SBF2: variants seen among roughly 807,000 people sequenced by gnomAD.
The protein encoded by SBF2 is myotubularin-related protein 13.
A neutral mutation model predicts 225.2 loss-of-function variants in SBF2; 112 were observed. The ratio of observed to expected loss-of-function variants is 0.50; its 90% CI spans 0.43 to 0.58. SBF2 has a LOEUF of 0.58. Ranked by LOEUF, SBF2 falls within the 20% of genes least tolerant of loss-of-function variation. The probability of loss-of-function intolerance (pLI) is 0.00; values close to 1 mark genes in which losing one functional copy is unlikely to be tolerated. For missense variants in SBF2, 1,996 were observed against 2,206.2 expected (o/e 0.90, Z 1.91); for synonymous variants, 763 against 773.3 (o/e 0.99, Z 0.22).
intron 2 of SBF2, among the ~76,000 whole-genome samples, chr11:10,139,607 T>C (rs1954548225): frequency 6.6e-6 from 1 of 152,232 alleles, no homozygotes; most frequent in Non-Finnish European, 1.5e-5. Context: ...ATTTTACTTT[T>C]ACATTTTCTA....
At chr11:9,923,728 T>C (rs972594481) in intron 16 of SBF2, among the ~76,000 whole-genome samples, 3 of 152,178 alleles carry the variant, frequency 2.0e-5, no homozygotes, top group African/African-American at 7.2e-5. Flanking sequence ...TAACCCCTTA[T>C]TGGCAAAGTA....
intron 2 of SBF2, among the ~76,000 whole-genome samples, chr11:10,143,631 G>A (rs1372594666): frequency 1.3e-5 from 2 of 152,088 alleles, no homozygotes; most frequent in African/African-American, 4.8e-5. Flanking sequence ...AAGATGTCAT[G>A]TCTCCCTAAA....
intron 2 of SBF2, among the ~76,000 whole-genome samples, chr11:10,139,746 G>T (rs1954555613): frequency 6.6e-6 from 1 of 152,188 alleles, no homozygotes; most frequent in Admixed American, 6.5e-5. Context: ...CCAAAAATAT[G>T]ACTAATCTTG....
chr11:10,056,514 G>A (rs1950260908), intron 2 of SBF2, among the ~76,000 whole-genome samples: 1 of 152,164 alleles, frequency 6.6e-6, no homozygotes, highest in Non-Finnish European at 1.5e-5. Context: ...TTGTGAATGG[G>A]GTTGCCTTTC....
At chr11:9,981,654 T>G (rs1352566388) in intron 13 of SBF2, among the ~76,000 whole-genome samples, 2 of 152,218 alleles carry the variant, frequency 1.3e-5, no homozygotes, top group Non-Finnish European at 2.9e-5. Context: ...AATCTTTGGA[T>G]GCCAATATTA....
chr11:9,911,575 A>C (rs977512339), intron 16 of SBF2, among the ~76,000 whole-genome samples: 27 of 152,318 alleles, frequency 1.8e-4, no homozygotes, highest in Admixed American at 1.8e-3. Flanking sequence ...GAAATTAAAA[A>C]AATAAATTCA....
chr11:10,134,844 T>C (rs1437302327), intron 2 of SBF2, among the ~76,000 whole-genome samples: 1 of 152,166 alleles, frequency 6.6e-6, no homozygotes, highest in Non-Finnish European at 1.5e-5. Flanking sequence ...AGGCACACAG[T>C]GCAAGCTGTC....
At chr11:9,978,481 A>G (rs929981584) in intron 13 of SBF2, among the ~76,000 whole-genome samples, 1 of 152,184 alleles carries the variant, frequency 6.6e-6, no homozygotes, top group African/African-American at 2.4e-5. Context: ...TTAGATTGTG[A>G]AAAAAATTTC....
rs994693750 is a variant in SBF2 at position 9,779,493 on chromosome 11, C to A, written c.*925G>T. 4 of 152,576 alleles carry A rather than the reference C, an allele frequency of 2.6e-5. No individual in the cohort carries two copies. The highest frequency in any genetic ancestry group is 7.2e-5 in the African/African-American group (3 of 41,436). 9.5% of individuals were successfully genotyped at this position (152,576 alleles called of 1,614,324 possible). On this transcript the variant is annotated 3_prime_UTR_variant, in exon 40 of 40. Coordinates refer to ENST00000256190, the MANE Select transcript of SBF2 (RefSeq NM_030962.4). ...ATGTGTAGAAGTGTAGTTTGGGTAT[C>A]CAGTCATGCCACAGTGTGACTGTGG...
At chr11:10,134,268 T>G (rs914644042) in intron 2 of SBF2, among the ~76,000 whole-genome samples, 3 of 152,104 alleles carry the variant, frequency 2.0e-5, no homozygotes, top group African/African-American at 7.2e-5. Context: ...TTCAATTACC[T>G]CCCACTGGGT....
At chr11:9,807,115 G>A (rs1382953399) in intron 32 of SBF2, among the ~76,000 whole-genome samples, 1 of 152,170 alleles carries the variant, frequency 6.6e-6, no homozygotes, top group African/African-American at 2.4e-5. Context: ...TCCCACAAAT[G>A]TTTGACATGC....
chr11:9,896,158 C>T lies in SBF2; in HGVS notation c.1861-147G>A, dbSNP rs1861238216. The T allele has an allele frequency of 7.3e-6, 5 of 683,140 alleles. No individual in the cohort carries two copies. The Admixed American group carries it at 8.6e-5, about 12-fold the overall frequency. The allele number at this position is 683,140 out of a possible 1,614,324, so 42.3% of individuals were successfully genotyped here. A position where few individuals can be genotyped will look rare whatever the true frequency, so the allele number is the denominator to read the frequency against. On this transcript the variant is annotated intron_variant, in intron 16 of 39. Coordinates refer to ENST00000256190, the MANE Select transcript of SBF2 (RefSeq NM_030962.4). ...AGAGGACCTGACGGAGGGGTTTGTA[C>T]TCTTATTCCAAATTGCCATTAAGAC... is the stretch of plus-strand genomic sequence containing the variant.
chr11:9,899,826 A>G (rs1861577027), intron 16 of SBF2, among the ~76,000 whole-genome samples: 1 of 152,162 alleles, frequency 6.6e-6, no homozygotes, highest in Non-Finnish European at 1.5e-5. Flanking sequence ...TGATATCATC[A>G]GATATAACAT....
At chr11:9,829,282 G>T in intron 28 of SBF2, 74 bp downstream of exon 28, 1 of 1,506,780 alleles carries the variant, frequency 6.6e-7, no homozygotes, top group Non-Finnish European at 9.2e-7. Flanking sequence ...ACAAATAACA[G>T]TACAAATAAC....
intron 1 of SBF2, among the ~76,000 whole-genome samples, chr11:10,231,281 T>A (rs996126456): frequency 6.6e-6 from 1 of 152,158 alleles, no homozygotes; most frequent in Non-Finnish European, 1.5e-5. Flanking sequence ...TCGGAGCAGT[T>A]TGATCTTCTG....
Position 9,983,303 on chromosome 11 carries a change from C to T in SBF2, c.1395+6194G>A, listed in dbSNP as rs527366021. 2.0e-5 allele frequency among the ~76,000 whole-genome samples: 3 copies of T among 152,218 alleles called. No homozygotes were observed. In the East Asian group the frequency reaches 5.8e-4, roughly 29 times the overall value. On this transcript the variant is annotated intron_variant, in intron 13 of 39. Coordinates refer to ENST00000256190, the MANE Select transcript of SBF2 (RefSeq NM_030962.4). ...GGAGCTGGGTGAGGCCTGTGACTGC[C>T]GGCTTTCCCCCACTTTCCTGACAAC...
intron 9 of SBF2, 148 bp downstream of exon 9, chr11:9,998,118 A>C (rs930986213): frequency 9.4e-5 from 58 of 618,504 alleles, no homozygotes; most frequent in Non-Finnish European, 1.4e-5. Flanking sequence ...AGAATTCTAA[A>C]TACTGTATGA....
intron 17 of SBF2, among the ~76,000 whole-genome samples, chr11:9,882,791 G>A (rs1859917444): frequency 2.6e-5 from 2 of 76,494 alleles, no homozygotes; most frequent in African/African-American, 7.6e-5. Context: ...CTGGGTGACA[G>A]AGTCAAAAAA....
intron 9 of SBF2, among the ~76,000 whole-genome samples, chr11:9,997,724 G>A (rs1296674283): frequency 6.6e-6 from 1 of 152,206 alleles, no homozygotes; most frequent in East Asian, 1.9e-4. Flanking sequence ...CTTGCAGTGA[G>A]CCCAGATCGT....
Sources: allele counts gnomAD v4.1 joint callset (sites outside exome capture counted in the v4.1 genomes callset), GRCh38; gene constraint gnomAD v4.1.1; transcripts MANE v1.5; gene names NCBI Gene and HGNC (gene_info 2026-07-23, HGNC 2026-07-21).